TLE5: variants seen among roughly 807,000 people sequenced by gnomAD.
The protein encoded by TLE5 is TLE family member 5, transcriptional modulator, also known as TLE family member 5.
A neutral mutation model predicts 25.8 loss-of-function variants in TLE5; 7 were observed. That is an observed-to-expected ratio of 0.27 (90% CI 0.15 to 0.51). The LOEUF (loss-of-function observed/expected upper bound fraction) is 0.51, where lower values mean the gene tolerates loss of function less well. TLE5 is among the 20% of genes least tolerant of loss of function. The pLI is 0.97. For missense variants in TLE5, 149 were observed against 250.7 expected (o/e 0.59, Z 2.74); for synonymous variants, 132 against 110.5 (o/e 1.20, Z -1.22).
At position 3,057,782 on chromosome 19, in the gene TLE5, G is replaced by A. The variant is rs377757706; in HGVS notation, c.126-40C>T. 9.3e-5 allele frequency: 148 copies of A among 1,598,088 alleles called. 2 individuals are homozygous for A. In the African/African-American group the frequency reaches 1.6e-3, roughly 18 times the overall value. On this transcript the variant is annotated intron_variant, in intron 2 of 6. Coordinates refer to ENST00000327141, the MANE Select transcript of TLE5 (RefSeq NM_001130.6). ...GGGGGAGATGGGGTGGTTAGTGGCG[G>A]CTGGGCGGGAGCCCCCCACCCTCCG... is the stretch of plus-strand genomic sequence containing the variant.
intron 5 of TLE5, chr19:3,055,275 C>A: frequency 6.1e-6 from 1 of 162,948 alleles, no homozygotes. Flanking sequence ...CCACAATCCC[C>A]TAACACCCTC....
chr19:3,062,725 C>T (rs2090283111), upstream of TLE5: 1 of 1,535,592 alleles, frequency 6.5e-7, no homozygotes, highest in South Asian at 1.2e-5. Flanking sequence ...GCCTCGGTTT[C>T]CCCATCTGTC....
chr19:3,056,084 C>A (rs556965435), intron 4 of TLE5: 2 of 535,462 alleles, frequency 3.7e-6, no homozygotes, highest in South Asian at 5.0e-5. Context: ...TCTGCCCCTC[C>A]CCACCACCGG....
chr19:3,058,150 G>C (rs569157568), intron 2 of TLE5, among the ~76,000 whole-genome samples: 30 of 152,162 alleles, frequency 2.0e-4, no homozygotes, highest in African/African-American at 5.8e-4. Context: ...CTGTAAGAAG[G>C]GGGTGATGAA....
At chr19:3,057,498 T>TGCCAGGCTAGCGATCTAGCTGGCAGATG in intron 3 of TLE5, 181 bp downstream of exon 3, 1 of 624,424 alleles carries the variant, frequency 1.6e-6, no homozygotes, top group African/African-American at 1.8e-5. Flanking sequence ...CTCGGCCATC[T>TGCCAGGCTAGCGATCTAGCTGGCAGATG]GCCAGGCTAG....
intron 2 of TLE5, among the ~76,000 whole-genome samples, chr19:3,058,482 C>T (rs981212928): frequency 2.6e-5 from 4 of 152,212 alleles, no homozygotes; most frequent in African/African-American, 7.2e-5. Flanking sequence ...AGGCGGCTCC[C>T]GGCTGGACTT....
At chr19:3,062,659 CGCCCCCGCCCCGGGCAGCG>C (rs755324686), upstream of TLE5, 2 of 1,328,344 alleles carry the variant, frequency 1.5e-6, no homozygotes, top group Non-Finnish European at 1.9e-6. Context: ...GGGCCCGGCC[CGCCCCCGCCCCGGGCAGCG>C]GCCCCCGCCA....
Position 3,062,357 on chromosome 19 carries a change from C to T in TLE5, c.-157G>A, listed in dbSNP as rs2090278944. ...CCCGGCCTCGCCCGCTTCCTGCGCC[C>T]CCTCCCCGCGCGCCCGGCCCCGGCG... On this transcript the variant is annotated 5_prime_UTR_variant, in exon 1 of 7. Transcript: ENST00000327141. The T allele has an allele frequency of 2.1e-6, 2 of 975,404 alleles. No homozygotes were observed. Among genetic ancestry groups the T allele is most frequent in the African/African-American group, 3.6e-5 (2 of 55,996 alleles). The allele number at this position is 975,404 out of a possible 1,614,324, so 60.4% of individuals were successfully genotyped here. A position where few individuals can be genotyped will look rare whatever the true frequency, so the allele number is the denominator to read the frequency against.
intron 2 of TLE5, among the ~76,000 whole-genome samples, chr19:3,057,959 A>T (rs1206332925): frequency 6.6e-6 from 1 of 151,982 alleles, no homozygotes; most frequent in South Asian, 2.1e-4. Flanking sequence ...GGCTCAAGCA[A>T]TCCTCCTTCC....
At chr19:3,057,491 G>T in intron 3 of TLE5, 188 bp downstream of exon 3, 1 of 604,612 alleles carries the variant, frequency 1.7e-6, no homozygotes, top group East Asian at 2.9e-5. Context: ...CCACTGCCTC[G>T]GCCATCTGCC....
chr19:3,059,057 G>A (rs997087324), intron 2 of TLE5, among the ~76,000 whole-genome samples: 3 of 152,210 alleles, frequency 2.0e-5, no homozygotes, highest in African/African-American at 7.2e-5. Flanking sequence ...CTGGCATACA[G>A]TAAGCATCCC....
chr19:3,061,889 G>GGA (rs1555697650), intron 1 of TLE5, among the ~76,000 whole-genome samples: 1 of 127,058 alleles, frequency 7.9e-6, no homozygotes, highest in Admixed American at 7.2e-5. Flanking sequence ...GGCGGGTTGG[G>GGA]GGGGGGGGGC....
At chr19:3,057,219 C>T (rs899884682) in intron 3 of TLE5, among the ~76,000 whole-genome samples, 8 of 152,232 alleles carry the variant, frequency 5.3e-5, no homozygotes, top group African/African-American at 1.4e-4. Flanking sequence ...AGCAGCAATG[C>T]AGTGTCACAC....
intron 3 of TLE5, chr19:3,057,474 A>C (rs1599271083): frequency 3.5e-6 from 2 of 575,018 alleles, no homozygotes; most frequent in South Asian, 2.1e-5. Flanking sequence ...GCGGTTTGGC[A>C]CCTCGGCCAC....
Position 3,062,243 on chromosome 19 carries a change from C to T in TLE5, c.-43G>A, listed in dbSNP as rs2090277944. ...GCGCGGGCTGCGCCCCGGCTGTGCGCCCCGGCTCGGGCTGCTGGGGGCGCC... is the reference window on the plus strand; with the variant it reads ...GCGCGGGCTGCGCCCCGGCTGTGCGTCCCGGCTCGGGCTGCTGGGGGCGCC... On this transcript the variant is annotated 5_prime_UTR_variant, in exon 1 of 7. Transcript: ENST00000327141. 1.8e-6 allele frequency: 2 copies of T among 1,088,030 alleles called. No individual in the cohort carries two copies. Among genetic ancestry groups the T allele is most frequent in the Admixed American group, 1.1e-4 (2 of 18,624 alleles). The allele number at this position is 1,088,030 out of a possible 1,614,324, so 67.4% of individuals were successfully genotyped here.
In TLE5 at chr19:3,059,520, C is replaced by CA. The variant is rs368717072; in HGVS notation, c.125+1639dup. Among the ~76,000 whole-genome samples, 520 of 152,152 alleles carry CA rather than the reference C, an allele frequency of 3.4e-3. 3 individuals carry two copies. Among genetic ancestry groups the CA allele is most frequent in the African/African-American group, 0.012 (497 of 41,516 alleles). On this transcript the variant is annotated intron_variant, in intron 2 of 6. Coordinates refer to ENST00000327141, the MANE Select transcript of TLE5 (RefSeq NM_001130.6). ...CTGGCGACAGAGCAAGACTCCGTCT[C>CA]AAAAAAATAAAATAAAATAAAAAAG...
In TLE5 at chr19:3,055,851, G is replaced by A. The variant is rs368180060; in HGVS notation, c.235-125C>T. On this transcript the variant is annotated intron_variant, in intron 4 of 6. Coordinates refer to ENST00000327141, the MANE Select transcript of TLE5 (RefSeq NM_001130.6). ...GCGGCTTCTAAGAGGGGCTAGGTCT[G>A]GCCAGGGTGGGATGAGCAAAGCCGT... 8.6e-5 allele frequency: 92 copies of A among 1,069,802 alleles called. No homozygotes were observed. In the African/African-American group the frequency reaches 1.3e-3, roughly 15 times the overall value. The allele number at this position is 1,069,802 out of a possible 1,614,324, so 66.3% of individuals were successfully genotyped here. A position where few individuals can be genotyped will look rare whatever the true frequency, so the allele number is the denominator to read the frequency against.
At position 3,061,200 on chromosome 19, in the gene TLE5, T is replaced by G. The variant is rs1331257224; in HGVS notation, c.85A>C (p.Ile29Leu). 2 of 1,613,844 alleles carry G rather than the reference T, an allele frequency of 1.2e-6. No individual in the cohort carries two copies. Among genetic ancestry groups the G allele is most frequent in the Non-Finnish European group, 1.7e-6 (2 of 1,179,806 alleles). ...TGCAGTAGCTGAAATTCGTCTTTGA[T>G]GCGGTCGCAGGAGTCCGAGGTGGTG... ...KFTTSDSCDR[I>L]KDEFQLLQAQ... is the part of the protein sequence containing the mutation. The change falls in exon 2 of 7, where the codon ATC (isoleucine) becomes CTC (leucine). Residue 29 changes from isoleucine to leucine, a missense_variant. By Grantham distance (5) the Ile-to-Leu change is conservative. Coordinates refer to ENST00000327141, the MANE Select transcript of TLE5 (RefSeq NM_001130.6).
upstream of TLE5, chr19:3,062,702 G>A (rs1271467183): frequency 2.7e-6 from 4 of 1,504,104 alleles, no homozygotes; most frequent in South Asian, 1.2e-5. Flanking sequence ...TCTCCTACCC[G>A]GCAGCCGGCC....
Sources: allele counts gnomAD v4.1 joint callset (sites outside exome capture counted in the v4.1 genomes callset), GRCh38; gene constraint gnomAD v4.1.1; transcripts MANE v1.5; gene names NCBI Gene and HGNC (gene_info 2026-07-23, HGNC 2026-07-21).